DLG1: variants seen among roughly 807,000 people sequenced by gnomAD.
DLG1 encodes the protein discs large MAGUK scaffold protein 1.
Under a neutral mutation model 123.4 loss-of-function variants are expected in DLG1, and 42 were observed. That is an observed-to-expected ratio of 0.34 (90% CI 0.27 to 0.44). The LOEUF (loss-of-function observed/expected upper bound fraction) is 0.44. Ranked by LOEUF, DLG1 falls within the 20% of genes least tolerant of loss-of-function variation. The pLI is 1.00. For synonymous variants in DLG1, 317 were observed against 356.2 expected, an observed-to-expected ratio of 0.89 and a Z score of 1.24; for missense variants, 942 against 1,082.6, an observed-to-expected ratio of 0.87 and a Z score of 1.82.
intron 4 of DLG1, among the ~76,000 whole-genome samples, chr3:197,249,642 A>T (rs1753418035): frequency 6.6e-6 from 1 of 152,238 alleles, no homozygotes; most frequent in Non-Finnish European, 1.5e-5. Flanking sequence ...ACCACTGATT[A>T]TGAAATTAGA....
chr3:197,225,122 A>G (rs565618660), intron 4 of DLG1, among the ~76,000 whole-genome samples: 42 of 152,254 alleles, frequency 2.8e-4, no homozygotes, highest in African/African-American at 9.4e-4. Context: ...GCACCCAGCT[A>G]ATTTTTTTGT....
At chr3:197,280,653 C>T (rs1768860591) in intron 4 of DLG1, among the ~76,000 whole-genome samples, 1 of 152,038 alleles carries the variant, frequency 6.6e-6, no homozygotes, top group Non-Finnish European at 1.5e-5. Flanking sequence ...AAACAATCGC[C>T]TATAAAAATA....
intron 6 of DLG1, among the ~76,000 whole-genome samples, chr3:197,147,674 C>T (rs1038206233): frequency 2.0e-5 from 3 of 152,006 alleles, no homozygotes; most frequent in East Asian, 1.9e-4. Flanking sequence ...CTCGGGAAAG[C>T]GTGGGACTGG....
At chr3:197,238,913 A>G (rs555162827) in intron 4 of DLG1, among the ~76,000 whole-genome samples, 1 of 152,262 alleles carries the variant, frequency 6.6e-6, no homozygotes, top group African/African-American at 2.4e-5. Context: ...CTAGTCTAAA[A>G]CTTAAGGAAC....
At chr3:197,059,652 CTATT>C (rs1384512185) in intron 23 of DLG1, among the ~76,000 whole-genome samples, 2 of 152,242 alleles carry the variant, frequency 1.3e-5, no homozygotes, top group African/African-American at 4.8e-5. Context: ...ACACGTGGGG[CTATT>C]TAAAGTTCTA....
intron 17 of DLG1, chr3:197,078,552 TAAGTAG>T (rs922725055): frequency 2.0e-5 from 3 of 152,138 alleles, no homozygotes; most frequent in African/African-American, 7.2e-5. Context: ...AAGAGAACTC[TAAGTAG>T]AAGTTAAAAA....
intron 6 of DLG1, among the ~76,000 whole-genome samples, chr3:197,146,671 T>C (rs1005598771): frequency 1.3e-5 from 2 of 152,106 alleles, no homozygotes; most frequent in African/African-American, 4.8e-5. Flanking sequence ...AAAACTTAAA[T>C]CTAAGACCTG....
Position 197,165,144 on chromosome 3 carries a change from C to T in DLG1, c.484-15348G>A, listed in dbSNP as rs193225912. 4.3e-4 allele frequency among the ~76,000 whole-genome samples: 65 copies of T among 152,162 alleles called. No individual in the cohort carries two copies. In the Middle Eastern group the frequency reaches 0.02, roughly 48 times the overall value. On this transcript the variant is annotated intron_variant, in intron 5 of 24. Coordinates refer to ENST00000667157, the MANE Select transcript of DLG1 (RefSeq NM_001366207.1). ...CTTTCTCTATCGCTGCTTCTTTATTCTGAATTATACTTTTCCAGTTGTTGA... is the reference window on the plus strand; with the variant it reads ...CTTTCTCTATCGCTGCTTCTTTATTTTGAATTATACTTTTCCAGTTGTTGA...
rs376255058 is a variant in DLG1 at position 197,145,993 on chromosome 3, C to CAAATAAAT, written c.538-3233_538-3226dup. On this transcript the variant is annotated intron_variant, in intron 6 of 24. Coordinates refer to ENST00000667157, the MANE Select transcript of DLG1 (RefSeq NM_001366207.1). Reference sequence around the variant, plus strand: ...CAACAAACAGAGTGAGACACTGTCTCAAATAAATAAATAAATAAATAAATA... The same window carrying CAAATAAAT: ...CAACAAACAGAGTGAGACACTGTCTCAAATAAATAAATAAATAAATAAATAAATAAATA... Among the ~76,000 whole-genome samples, 11 of 149,856 alleles carry CAAATAAAT rather than the reference C, an allele frequency of 7.3e-5. No individual in the cohort carries two copies. The South Asian group carries it at 1.1e-3, about 14-fold the overall frequency.
rs1193252582 is a variant in DLG1 at position 197,068,621 on chromosome 3, T to TC, written c.2047+597dup. The TC allele has an allele frequency of 8.6e-6, 7 of 812,306 alleles. No homozygotes were observed. In the East Asian group the frequency reaches 1.9e-4, roughly 22 times the overall value. The allele number at this position is 812,306 out of a possible 1,614,324, so 50.3% of individuals were successfully genotyped here. On this transcript the variant is annotated intron_variant, in intron 19 of 24. Transcript: ENST00000667157. ...GTGCTACAACTGATATTATGTACCCTCCCCTTCTCCCATGCCCAAGTCTGT... is the reference window on the plus strand; with the variant it reads ...GTGCTACAACTGATATTATGTACCCTCCCCCTTCTCCCATGCCCAAGTCTGT...
At chr3:197,161,731 T>G in intron 5 of DLG1, 1 of 1,568,288 alleles carries the variant, frequency 6.4e-7, no homozygotes, top group Non-Finnish European at 8.6e-7. Flanking sequence ...AAGAACAGCT[T>G]CTGTTGGCTA....
chr3:197,185,061 C>T (rs966374550), intron 5 of DLG1, among the ~76,000 whole-genome samples: 10 of 152,170 alleles, frequency 6.6e-5, no homozygotes, highest in Non-Finnish European at 1.0e-4. Flanking sequence ...CCTCTTAACA[C>T]TGTGCTATAT....
chr3:197,225,025 T>C (rs966013094), intron 4 of DLG1, among the ~76,000 whole-genome samples: 3 of 152,188 alleles, frequency 2.0e-5, no homozygotes, highest in African/African-American at 2.4e-5. Flanking sequence ...GGCGCGATCT[T>C]GGCTCACTGC....
intron 4 of DLG1, among the ~76,000 whole-genome samples, chr3:197,276,546 C>T (rs1199918136): frequency 6.6e-6 from 1 of 152,148 alleles, no homozygotes; most frequent in African/African-American, 2.4e-5. Flanking sequence ...ACATTTATTT[C>T]TTCTTCTTCA....
intron 10 of DLG1, 95 bp from the exon 11 acceptor site, chr3:197,130,766 G>T: frequency 9.7e-7 from 1 of 1,030,240 alleles, no homozygotes; most frequent in Non-Finnish European, 1.4e-6. Flanking sequence ...TAAGAGAGTG[G>T]TTTAAGGAAA....
At chr3:197,045,757 A>G (rs1389749085) in intron 24 of DLG1, among the ~76,000 whole-genome samples, 2 of 152,152 alleles carry the variant, frequency 1.3e-5, no homozygotes, top group African/African-American at 4.8e-5. Flanking sequence ...GTCTCGTAAA[A>G]AAGTTTACAT....
chr3:197,214,560 G>A (rs1387470736), intron 4 of DLG1, among the ~76,000 whole-genome samples: 3 of 151,902 alleles, frequency 2.0e-5, no homozygotes, highest in South Asian at 2.1e-4. Context: ...GCGACAGAGC[G>A]AGACTCTGTC....
chr3:197,103,373 C>T (rs936117564), intron 14 of DLG1, among the ~76,000 whole-genome samples: 4 of 152,012 alleles, frequency 2.6e-5, no homozygotes, highest in Non-Finnish European at 5.9e-5. Flanking sequence ...GTTTATATTC[C>T]TTATAAACAT....
intron 4 of DLG1, 152 bp downstream of exon 4, chr3:197,282,527 T>A (rs1024982509): frequency 3.2e-5 from 16 of 492,978 alleles, no homozygotes; most frequent in Non-Finnish European, 4.8e-5. Context: ...TTCAAAAATA[T>A]TTTTAACCCC....
Sources: gnomAD v4.1 joint callset for allele counts (sites outside exome capture counted in the v4.1 genomes callset) on GRCh38, gnomAD v4.1.1 for gene constraint, MANE v1.5 for transcripts, NCBI Gene and HGNC (gene_info 2026-07-23, HGNC 2026-07-21) for gene names.